The following SPON2 variants were observed in gnomAD, a reference collection of about 807,000 sequenced individuals.
The protein encoded by SPON2 is spondin-2.
In SPON2, 32 loss-of-function variants were observed where a neutral mutation model predicts 29.9. The ratio of observed to expected loss-of-function variants is 1.07; its 90% CI spans 0.81 to 1.44. The LOEUF is 1.44. SPON2 is among the 40% of genes most tolerant of loss of function. The pLI is 0.00. For synonymous variants in SPON2, 248 were observed against 209.1 expected (o/e 1.19, Z -1.61); for missense variants, 541 against 455.5 (o/e 1.19, Z -1.71).
chr4:1,170,904 G>T (rs567984420), intron 4 of SPON2, 95 bp downstream of exon 4: 4 of 1,482,192 alleles, frequency 2.7e-6, no homozygotes, highest in Admixed American at 2.0e-5. Flanking sequence ...GCAAGCGGCT[G>T]TCCTGGGCTG....
At chr4:1,168,293 G>A (rs969774790) in intron 5 of SPON2, 1 of 152,276 alleles carries the variant, frequency 6.6e-6, no homozygotes. Context: ...CTGGCTGTGT[G>A]GCCCAGAGCG....
chr4:1,193,515 C>T (rs1727957213), intron 1 of SPON2, among the ~76,000 whole-genome samples: 1 of 149,084 alleles, frequency 6.7e-6, no homozygotes, highest in African/African-American at 2.5e-5. Context: ...GGTTGTGTGT[C>T]CCTACAGCCC....
chr4:1,198,783 C>T (rs1405679065), upstream of SPON2, among the ~76,000 whole-genome samples: 4 of 152,048 alleles, frequency 2.6e-5, no homozygotes, highest in South Asian at 2.1e-4. Flanking sequence ...AGAACCTCAC[C>T]GACAGGTACT....
At chr4:1,194,222 G>A (rs1471688929) in intron 1 of SPON2, among the ~76,000 whole-genome samples, 1 of 152,160 alleles carries the variant, frequency 6.6e-6, no homozygotes, top group East Asian at 1.9e-4. Context: ...CTCCTCCAAG[G>A]GTCTTCGGCG....
Position 1,202,599 on chromosome 4 carries a change from C to G in SPON2, c.-234+5281G>C, listed in dbSNP as rs921018588. 2.0e-5 allele frequency among the ~76,000 whole-genome samples: 3 copies of G among 152,050 alleles called. No individual in the cohort carries two copies. The highest frequency in any genetic ancestry group is 2.0e-4 in the Admixed American group (3 of 15,280). On this transcript the variant is annotated intron_variant, in intron 1 of 3. Coordinates refer to the SPON2 transcript ENST00000509233. The surrounding 1 kb of genome is among the most constrained non-coding windows in gnomAD (Gnocchi z 5.4). ...CTCAGCCCACTCAGTGCTCATGGGT[C>G]GGAGTCTCCTGCCTGCCGCTCTCCC...
chr4:1,172,386 GGCCT>G, intron 1 of SPON2, 154 bp downstream of exon 1: 10 of 493,150 alleles, frequency 2.0e-5, no homozygotes, highest in Non-Finnish European at 3.7e-5. Context: ...AGGGACCCGG[GGCCT>G]TGGCCGACTG....
At chr4:1,201,643 C>A (rs1399987200) in intron 1 of SPON2, among the ~76,000 whole-genome samples, 1 of 151,722 alleles carries the variant, frequency 6.6e-6, no homozygotes, top group Non-Finnish European at 1.5e-5. Context: ...AGTGCAGTGG[C>A]GTGATCTCGG....
intron 1 of SPON2, chr4:1,200,740 G>A (rs1728179229): frequency 2.2e-6 from 1 of 447,528 alleles, no homozygotes; most frequent in Non-Finnish European, 4.5e-6. Context: ...GTAAGGGGGA[G>A]GGGAGCAGCG....
chr4:1,201,967 C>G (rs1005040602), intron 1 of SPON2, among the ~76,000 whole-genome samples: 1 of 152,210 alleles, frequency 6.6e-6, no homozygotes. Context: ...TTCACATGCT[C>G]ACAAGTCACT....
At position 1,170,582 on chromosome 4, in the gene SPON2, G is replaced by T. The variant is rs1221008646; in HGVS notation, c.637-6C>A. 1 of 1,602,104 alleles carries T rather than the reference G, an allele frequency of 6.2e-7. No individual in the cohort carries two copies. The highest frequency in any genetic ancestry group is 1.4e-5 in the African/African-American group (1 of 70,588). ...CTGGGAGAGGAGGACGTTATCTGGG[G>T]AGGAAGAAGAGGAGGTTGGCCTGGG... On this transcript the variant is annotated splice_region_variant and splice_polypyrimidine_tract_variant and intron_variant, in intron 4 of 5. Transcript: ENST00000290902.
chr4:1,189,504 A>G (rs1172814608), intron 1 of SPON2, among the ~76,000 whole-genome samples: 1 of 151,812 alleles, frequency 6.6e-6, no homozygotes, highest in Non-Finnish European at 1.5e-5. Flanking sequence ...AAAATAAAAA[A>G]TAGCTGGGTG....
At chr4:1,191,861 G>A (rs941297390) in intron 1 of SPON2, among the ~76,000 whole-genome samples, 1 of 152,204 alleles carries the variant, frequency 6.6e-6, no homozygotes, top group African/African-American at 2.4e-5. Context: ...GTGAGTTCCT[G>A]TCATTCTACA....
chr4:1,175,742 CCA>C (rs1485882851), upstream of SPON2, among the ~76,000 whole-genome samples: 1 of 151,718 alleles, frequency 6.6e-6, no homozygotes, highest in East Asian at 1.9e-4. Flanking sequence ...AGTGGTGGGC[CCA>C]GGCCTCGGGG....
chr4:1,176,379 G>A (rs927579646), upstream of SPON2, among the ~76,000 whole-genome samples: 10 of 152,114 alleles, frequency 6.6e-5, no homozygotes, highest in Non-Finnish European at 1.5e-4. Flanking sequence ...TACACACACA[G>A]TACATTCATT....
chr4:1,170,373 G>GTGTCCCATGTGACCTGTA, intron 5 of SPON2, 29 bp downstream of exon 5: 2 of 1,599,784 alleles, frequency 1.3e-6, no homozygotes, highest in Non-Finnish European at 1.7e-6. Context: ...GGGCTGCTGT[G>GTGTCCCATGTGACCTGTA]TGTCCCATGT....
At chr4:1,190,926 C>T (rs970651659) in intron 1 of SPON2, among the ~76,000 whole-genome samples, 4 of 152,086 alleles carry the variant, frequency 2.6e-5, no homozygotes, top group Non-Finnish European at 5.9e-5. Context: ...CTAAAAACTA[C>T]AAAACATCAT....
In SPON2 at chr4:1,189,656, A is replaced by G. The variant is rs906004832; in HGVS notation, c.-239+5334T>C. Among the ~76,000 whole-genome samples the G allele has an allele frequency of 2.9e-4, 42 of 145,082 alleles. 1 individual carries two copies. In the East Asian group the frequency reaches 7.7e-3, roughly 26 times the overall value. ...CCTGTCTCAAAAAAAAAAAAAAAAAAAAGAAAGAAAGAAAGAAAAGAAAAC... is the reference window on the plus strand; with the variant it reads ...CCTGTCTCAAAAAAAAAAAAAAAAAGAAGAAAGAAAGAAAGAAAAGAAAAC... On this transcript the variant is annotated intron_variant, in intron 1 of 3. Coordinates refer to the SPON2 transcript ENST00000502483.
chr4:1,205,412 T>C (rs1026065634), intron 1 of SPON2, among the ~76,000 whole-genome samples: 2 of 152,224 alleles, frequency 1.3e-5, no homozygotes, highest in African/African-American at 2.4e-5. Flanking sequence ...TCGGTTTCCA[T>C]GTCCACATCT....
chr4:1,174,954 G>C (rs1359654645), upstream of SPON2, among the ~76,000 whole-genome samples: 1 of 152,200 alleles, frequency 6.6e-6, no homozygotes. Flanking sequence ...CAGAGCATGG[G>C]AGCAAAAGGT....
Sources: allele counts gnomAD v4.1 joint callset (sites outside exome capture counted in the v4.1 genomes callset), GRCh38; gene constraint gnomAD v4.1.1; non-coding constraint Gnocchi (gnomAD v3.1); transcripts MANE v1.5; gene names NCBI Gene and HGNC (gene_info 2026-07-23, HGNC 2026-07-21).